DPP10: variants seen among roughly 807,000 people sequenced by gnomAD.
DPP10 encodes inactive dipeptidyl peptidase 10.
In DPP10, 33 loss-of-function variants were observed where a neutral mutation model predicts 120.9. The ratio of observed to expected loss-of-function variants is 0.27; its 90% CI spans 0.21 to 0.37. DPP10 has a LOEUF of 0.37. Among genes scored for constraint, DPP10 ranks in the 10% least tolerant of loss-of-function variants. DPP10 has a pLI of 1.00. For synonymous variants in DPP10, 337 were observed against 326.1 expected (o/e 1.03, Z -0.36); for missense variants, 816 against 942.8 (o/e 0.87, Z 1.76).
At chr2:114,902,393 C>G (rs967335030) in intron 1 of DPP10, among the ~76,000 whole-genome samples, 1 of 152,164 alleles carries the variant, frequency 6.6e-6, no homozygotes, top group Non-Finnish European at 1.5e-5. Flanking sequence ...AAAAATGCAA[C>G]AGTCTATTTC....
Position 114,814,317 on chromosome 2 carries a change from T to C in DPP10, c.60+371479T>C, listed in dbSNP as rs761941452. On this transcript the variant is annotated intron_variant, in intron 1 of 25. Coordinates refer to ENST00000410059, the MANE Select transcript of DPP10 (RefSeq NM_020868.6). ...GTTGATGTGTGGAGTGTTAGCTATG[T>C]TCAAATTGAGAACGTGAGTGAAGAC... Among the ~76,000 whole-genome samples the C allele has an allele frequency of 6.6e-5, 10 of 152,232 alleles. No individual in the cohort carries two copies. In the Middle Eastern group the frequency reaches 0.01, roughly 155 times the overall value.
At chr2:115,694,268 TTTAA>T (rs2091467542) in intron 7 of DPP10, among the ~76,000 whole-genome samples, 1 of 24,604 alleles carries the variant, frequency 4.1e-5, no homozygotes, top group African/African-American at 6.2e-5. Flanking sequence ...ATTACAATAC[TTTAA>T]TTAGTTTTGC....
chr2:115,216,306 T>A, intron 1 of DPP10, among the ~76,000 whole-genome samples: 1 of 151,774 alleles, frequency 6.6e-6, no homozygotes, highest in East Asian at 1.9e-4. Flanking sequence ...TCTATAACAG[T>A]GAAAAAAAAT....
At chr2:115,042,403 G>A (rs1268456374) in intron 1 of DPP10, among the ~76,000 whole-genome samples, 3 of 152,078 alleles carry the variant, frequency 2.0e-5, no homozygotes, top group Admixed American at 2.0e-4. Flanking sequence ...AGTAGTTGGG[G>A]TTTCAGGCAC....
intron 1 of DPP10, among the ~76,000 whole-genome samples, chr2:115,003,465 C>G (rs1701591575): frequency 6.6e-6 from 1 of 151,826 alleles, no homozygotes; most frequent in African/African-American, 2.4e-5. Flanking sequence ...ACCCCCATGA[C>G]ATGCAGTTTA....
chr2:114,540,104 C>A (rs1035907658), intron 1 of DPP10, among the ~76,000 whole-genome samples: 1 of 152,158 alleles, frequency 6.6e-6, no homozygotes, highest in Non-Finnish European at 1.5e-5. Context: ...AAGACAGATA[C>A]CACCAATTCA....
At chr2:114,850,977 A>C (rs1274757393) in intron 1 of DPP10, among the ~76,000 whole-genome samples, 1 of 152,100 alleles carries the variant, frequency 6.6e-6, no homozygotes, top group Non-Finnish European at 1.5e-5. Context: ...AGGAATTTAC[A>C]CCATTTATAA....
At chr2:114,509,866 G>A (rs1683987165) in intron 1 of DPP10, among the ~76,000 whole-genome samples, 2 of 152,192 alleles carry the variant, frequency 1.3e-5, no homozygotes, top group Admixed American at 1.3e-4. Context: ...GAGAAATAGA[G>A]ACATTTCCCT....
chr2:114,667,314 G>A (rs1192899116), intron 1 of DPP10, among the ~76,000 whole-genome samples: 2 of 152,024 alleles, frequency 1.3e-5, no homozygotes, highest in Admixed American at 1.3e-4. Flanking sequence ...TTAATTAAAA[G>A]TTATTCGTGA....
At chr2:115,262,568 G>A (rs1452519257) in intron 1 of DPP10, among the ~76,000 whole-genome samples, 2 of 151,622 alleles carry the variant, frequency 1.3e-5, no homozygotes, top group East Asian at 1.9e-4. Flanking sequence ...TAAACGTATT[G>A]TTTCTGTTTC....
intron 5 of DPP10, among the ~76,000 whole-genome samples, chr2:115,568,285 C>T (rs893306507): frequency 6.6e-6 from 1 of 151,814 alleles, no homozygotes; most frequent in Admixed American, 6.6e-5. Context: ...GAGATTGAGA[C>T]CACCCTGGCC....
intron 21 of DPP10, among the ~76,000 whole-genome samples, chr2:115,825,164 A>C (rs1026621630): frequency 6.6e-6 from 1 of 152,214 alleles, no homozygotes; most frequent in African/African-American, 2.4e-5. Context: ...ATATAGTTTA[A>C]CTGAAATCTC....
chr2:114,974,277 A>T (rs1394438976), intron 1 of DPP10, among the ~76,000 whole-genome samples: 1 of 152,154 alleles, frequency 6.6e-6, no homozygotes, highest in African/African-American at 2.4e-5. Flanking sequence ...TTCTATGTTT[A>T]GGTATGTTTA....
intron 1 of DPP10, among the ~76,000 whole-genome samples, chr2:115,115,887 G>A (rs956462774): frequency 2.0e-5 from 3 of 152,002 alleles, no homozygotes; most frequent in African/African-American, 7.3e-5. Flanking sequence ...CAGTATTCAG[G>A]GATCGCAAAG....
chr2:115,131,011 C>T (rs2050328883), intron 1 of DPP10: 1 of 152,196 alleles, frequency 6.6e-6, no homozygotes, highest in African/African-American at 2.4e-5. Context: ...ATTTTTCTTA[C>T]TTCTTACACC....
chr2:115,798,055 T>A (rs984006039), intron 19 of DPP10, among the ~76,000 whole-genome samples: 1 of 151,904 alleles, frequency 6.6e-6, no homozygotes, highest in Non-Finnish European at 1.5e-5. Context: ...ATTCACAGAA[T>A]TATATGAATG....
chr2:114,646,494 C>T (rs1047327642), intron 1 of DPP10, among the ~76,000 whole-genome samples: 2 of 152,164 alleles, frequency 1.3e-5, no homozygotes, highest in Admixed American at 6.5e-5. Flanking sequence ...GTCCCACTCT[C>T]TTAGCCGTCT....
chr2:115,686,544 T>C (rs1438609856), intron 5 of DPP10, among the ~76,000 whole-genome samples: 1 of 151,984 alleles, frequency 6.6e-6, no homozygotes. Flanking sequence ...CTGCAAACAA[T>C]GAAAATTGTC....
intron 1 of DPP10, chr2:115,234,777 G>A (rs1390955955): frequency 6.6e-6 from 1 of 151,994 alleles, no homozygotes; most frequent in African/African-American, 2.4e-5. Flanking sequence ...ACTAATTCAG[G>A]TCTTTTTTAA....
Sources: allele counts gnomAD v4.1 joint callset (sites outside exome capture counted in the v4.1 genomes callset), GRCh38; gene constraint gnomAD v4.1.1; transcripts MANE v1.5; gene names NCBI Gene and HGNC (gene_info 2026-07-23, HGNC 2026-07-21).